The following SPATA13 variants were observed in gnomAD, a reference collection of about 807,000 sequenced individuals.
SPATA13 encodes the protein spermatogenesis-associated protein 13.
Under a neutral mutation model 104.0 loss-of-function variants are expected in SPATA13, and 50 were observed. The ratio of observed to expected loss-of-function variants is 0.48; its 90% CI spans 0.38 to 0.61. SPATA13 has a LOEUF of 0.61. SPATA13 is among the 20% of genes least tolerant of loss of function. The pLI, the probability that SPATA13 is intolerant of heterozygous loss-of-function variation, is 0.00. For missense variants in SPATA13, 1,524 were observed against 1,690.6 expected, an observed-to-expected ratio of 0.90 and a Z score of 1.73; for synonymous variants, 606 against 667.5, an observed-to-expected ratio of 0.91 and a Z score of 1.42.
intron 4 of SPATA13, chr13:24,278,569 C>T (rs967592544): frequency 2.7e-5 from 35 of 1,317,184 alleles, no homozygotes; most frequent in Admixed American, 1.1e-4. Flanking sequence ...TGAGCTACCA[C>T]GCCCAGCCAC....
intron 1 of SPATA13, among the ~76,000 whole-genome samples, chr13:24,175,584 C>A (rs1446113671): frequency 2.6e-5 from 4 of 152,190 alleles, no homozygotes; most frequent in Admixed American, 2.0e-4. Flanking sequence ...ATCTAGATTT[C>A]TTGTTGAGTA....
intron 2 of SPATA13, among the ~76,000 whole-genome samples, chr13:24,008,165 C>A (rs1876315029): frequency 2.6e-5 from 4 of 152,230 alleles, no homozygotes. Context: ...ACACTGTGTG[C>A]CCTCGGGTCA....
At chr13:23,993,970 G>GTTTTT (rs34371369) in intron 2 of SPATA13, among the ~76,000 whole-genome samples, 3 of 134,588 alleles carry the variant, frequency 2.2e-5, no homozygotes, top group Non-Finnish European at 3.2e-5. Flanking sequence ...TGGTGGTGGT[G>GTTTTT]TTTTTTTTTT....
chr13:24,102,318 A>T (rs1167720837), intron 3 of SPATA13, among the ~76,000 whole-genome samples: 1 of 151,910 alleles, frequency 6.6e-6, no homozygotes, highest in Admixed American at 6.6e-5. Flanking sequence ...TCCATTTTTA[A>T]ATTGGGTTAT....
At chr13:24,178,740 C>T (rs1328458059) in intron 1 of SPATA13, among the ~76,000 whole-genome samples, 1 of 152,164 alleles carries the variant, frequency 6.6e-6, no homozygotes, top group African/African-American at 2.4e-5. Flanking sequence ...CACAGCACAG[C>T]AACTGGCCTC....
In SPATA13 at chr13:24,160,728, T is replaced by C. The variant is rs541466772; in HGVS notation, c.-316T>C. 17 of 985,616 alleles carry C rather than the reference T, an allele frequency of 1.7e-5. No individual in the cohort carries two copies. In the East Asian group the frequency reaches 6.8e-4, roughly 40 times the overall value. 61.1% of individuals were successfully genotyped at this position (985,616 alleles called of 1,614,324 possible). The stretch of plus-strand genomic sequence containing the variant: ...TGGGGCGTGGCTTGGCTGAGTGTGC[T>C]GCCGCGGCGCGGGAGGAGAGTGTGC... On this transcript the variant is annotated 5_prime_UTR_variant, in exon 1 of 13. Coordinates refer to ENST00000382108, the MANE Select transcript of SPATA13 (RefSeq NM_001166271.3).
intron 3 of SPATA13, among the ~76,000 whole-genome samples, chr13:24,112,452 C>T (rs1051831480): frequency 5.9e-5 from 9 of 152,160 alleles, no homozygotes; most frequent in Non-Finnish European, 8.8e-5. Context: ...GTGCTTTGTT[C>T]ATCCTTGTAC....
At chr13:24,134,040 G>A (rs1881476022) in intron 3 of SPATA13, among the ~76,000 whole-genome samples, 1 of 152,124 alleles carries the variant, frequency 6.6e-6, no homozygotes, top group Non-Finnish European at 1.5e-5. Flanking sequence ...GGTTGCTGGC[G>A]GGAGGTGGGG....
At chr13:24,291,761 T>TTTG (rs1222350847) in intron 9 of SPATA13, among the ~76,000 whole-genome samples, 1 of 149,398 alleles carries the variant, frequency 6.7e-6, no homozygotes, top group Non-Finnish European at 1.5e-5. Context: ...TTTTTATTTT[T>TTTG]TTTTTTGAGA....
chr13:24,214,775 A>C (rs145927078), intron 1 of SPATA13, among the ~76,000 whole-genome samples: 1 of 152,272 alleles, frequency 6.6e-6, no homozygotes, highest in Non-Finnish European at 1.5e-5. Flanking sequence ...CTGCCTTGTA[A>C]AGGGTAACAT....
intron 1 of SPATA13, among the ~76,000 whole-genome samples, chr13:24,212,724 G>A (rs375325149): frequency 6.6e-6 from 1 of 152,296 alleles, no homozygotes; most frequent in East Asian, 1.9e-4. Flanking sequence ...ACATGCCTGC[G>A]CAGTCACTTT....
rs917513995 is a variant in SPATA13 at position 24,224,058 on chromosome 13, G to T, written c.1129G>T (p.Gly377Trp). The T allele has an allele frequency of 1.3e-6, 2 of 1,548,832 alleles. No homozygotes were observed. The highest frequency in any genetic ancestry group is 1.7e-6 in the Non-Finnish European group (2 of 1,145,414). ...CACTGAGCAGGACAGCAGGCGGGGC[G>T]GGGCGGTCATGCATGGGACCACTGC... ...RSTEQDSRRG[G>W]AVMHGTTATC... is the part of the protein sequence containing the mutation. The change falls in exon 2 of 13, where the codon GGG (glycine) becomes TGG (tryptophan). Residue 377 changes from glycine to tryptophan, a missense_variant. Physicochemically the swap from Gly to Trp is radical, Grantham distance 184 (BLOSUM62 -2). Around this residue, in one of 2 missense-constraint regions of SPATA13, gnomAD observed 1,089 missense variants for 1,135.9 expected, o/e 0.96. Transcript: ENST00000382108.
rs1375176987 is a variant in SPATA13, at chr13:24,286,011, G to A, written c.2302-203G>A. Among the ~76,000 whole-genome samples, 1 of 152,162 alleles carries A rather than the reference G, an allele frequency of 6.6e-6. No homozygotes were observed. On this transcript the variant is annotated intron_variant, in intron 5 of 12. Transcript: ENST00000382108. The surrounding 1 kb of genome is among the most constrained non-coding windows in gnomAD (Gnocchi z 4.9). Reference sequence around the variant, plus strand: ...GCTTTCTTTAAAAGCAGGTAGAGATGTCCTCCTGACTTTGTTTTTTCTTAG... The same window carrying A: ...GCTTTCTTTAAAAGCAGGTAGAGATATCCTCCTGACTTTGTTTTTTCTTAG...
chr13:24,190,704 T>C (rs1033370823), intron 1 of SPATA13, among the ~76,000 whole-genome samples: 17 of 152,064 alleles, frequency 1.1e-4, no homozygotes, highest in Admixed American at 9.2e-4. Flanking sequence ...GAGTTGCTTC[T>C]TGTGGAGGAG....
chr13:24,169,129 C>G lies in SPATA13; in HGVS notation c.-112+8197C>G, dbSNP rs140408177. On this transcript the variant is annotated intron_variant, in intron 1 of 12. Transcript: ENST00000382108. ...GCCTGGCATTGGGATCTCTGCGTGT[C>G]CTTGGGCCACGCTGTCAGAACTTTG... is the stretch of plus-strand genomic sequence containing the variant. 8.1e-4 allele frequency among the ~76,000 whole-genome samples: 123 copies of G among 152,138 alleles called. 1 individual carries two copies. The highest frequency in any genetic ancestry group is 2.5e-3 in the African/African-American group (105 of 41,496).
chr13:24,111,426 G>T, intron 3 of SPATA13, among the ~76,000 whole-genome samples: 1 of 119,758 alleles, frequency 8.4e-6, no homozygotes, highest in Non-Finnish European at 1.7e-5. Flanking sequence ...CCCCACCCCA[G>T]AAACAGAGTC....
At chr13:24,212,568 C>T (rs1289560172) in intron 1 of SPATA13, among the ~76,000 whole-genome samples, 2 of 152,114 alleles carry the variant, frequency 1.3e-5, no homozygotes, top group Admixed American at 6.5e-5. Context: ...GATTCCATAT[C>T]GTTAAAGTTC....
intron 3 of SPATA13, among the ~76,000 whole-genome samples, chr13:24,087,407 T>C (rs1054189335): frequency 5.3e-5 from 8 of 152,330 alleles, no homozygotes; most frequent in Admixed American, 2.0e-4. Context: ...CAAACACTTA[T>C]GTTTCCTTTT....
Position 24,290,712 on chromosome 13 carries a change from C to G in SPATA13, c.2908C>G (p.Leu970Val). 1 of 1,614,224 alleles carries G rather than the reference C, an allele frequency of 6.2e-7. No homozygotes were observed. The part of the protein sequence containing the change: ...CNNHPGACLE[L>V]ANLMKQGKYR... ...CAACCACCCGGGCGCCTGCCTGGAG[C>G]TCGCCAACCTCATGAAGCAGGGCAA... The change falls in exon 9 of 13, where the codon CTC becomes GTC. Residue 970 changes from leucine (L) to valine (V), a missense_variant. Leu to Val is a conservative substitution (Grantham distance 32, BLOSUM62 1). Transcript: ENST00000382108.
Sources: allele counts gnomAD v4.1 joint callset (sites outside exome capture counted in the v4.1 genomes callset), GRCh38; gene constraint gnomAD v4.1.1; regional missense constraint gnomAD v4.1.1; non-coding constraint Gnocchi (gnomAD v3.1); transcripts MANE v1.5; gene names NCBI Gene and HGNC (gene_info 2026-07-23, HGNC 2026-07-21).